Variants in MRAS observed in about 807,000 individuals in gnomAD.
MRAS encodes ras-related protein M-Ras.
Under a neutral mutation model 20.9 loss-of-function variants are expected in MRAS, and 4 were observed. The ratio of observed to expected loss-of-function variants is 0.19; its 90% confidence interval spans 0.09 to 0.44. The LOEUF (loss-of-function observed/expected upper bound fraction) is 0.44. Ranked by LOEUF, MRAS falls within the 20% of genes least tolerant of loss-of-function variation. The pLI is 0.99. For synonymous variants in MRAS, 98 were observed against 102.9 expected, an observed-to-expected ratio of 0.95 and a Z score of 0.29; for missense variants, 154 against 277.5, an observed-to-expected ratio of 0.56 and a Z score of 3.16.
chr3:138,365,079 T>C (rs904874049), intron 1 of MRAS, among the ~76,000 whole-genome samples: 14 of 152,260 alleles, frequency 9.2e-5, no homozygotes. Context: ...CGACACTGCC[T>C]CTTTCTAGTT....
At position 138,372,994 on chromosome 3, in the gene MRAS, C is replaced by T; in HGVS notation, c.111C>T (p.Ile37=). The change falls in exon 2 of 6, where the codon ATC becomes ATT. Residue 37 remains isoleucine, a synonymous_variant. Transcript: ENST00000423968. ...TCACCATCCAGTTTTTCCAGAAGAT[C>T]TTTGTGCCTGACTATGACCCCACCA... ...SALTIQFFQK[I]FVPDYDPTIE... 1.3e-6 allele frequency: 2 copies of T among 1,568,730 alleles called. No homozygotes were observed. Among genetic ancestry groups the T allele is most frequent in the Non-Finnish European group, 1.7e-6 (2 of 1,160,212 alleles).
At chr3:138,349,984 C>G (rs1329732301) in intron 1 of MRAS, 1 of 152,192 alleles carries the variant, frequency 6.6e-6, no homozygotes, top group Non-Finnish European at 1.5e-5. Flanking sequence ...TATCTGAAGT[C>G]CATGCTTTTG....
intron 1 of MRAS, among the ~76,000 whole-genome samples, chr3:138,353,052 A>G (rs2054261011): frequency 6.6e-6 from 1 of 152,126 alleles, no homozygotes; most frequent in African/African-American, 2.4e-5. Flanking sequence ...GAGCCCCCTG[A>G]GTGTATTAAG....
chr3:138,383,204 A>C (rs934243404), intron 2 of MRAS, among the ~76,000 whole-genome samples: 7 of 152,184 alleles, frequency 4.6e-5, no homozygotes, highest in African/African-American at 1.7e-4. Flanking sequence ...GGCATCTATT[A>C]GGTGTTTAAT....
At chr3:138,375,190 G>C (rs191642863) in intron 2 of MRAS, among the ~76,000 whole-genome samples, 1 of 152,216 alleles carries the variant, frequency 6.6e-6, no homozygotes, top group East Asian at 1.9e-4. Context: ...CCTGGTCCTT[G>C]ATTTTTTTAA....
At chr3:138,369,447 C>G (rs2054629596) in intron 1 of MRAS, among the ~76,000 whole-genome samples, 1 of 152,036 alleles carries the variant, frequency 6.6e-6, no homozygotes, top group Admixed American at 6.6e-5. Flanking sequence ...ATTGGGGGAC[C>G]ACAAACCTGG....
At chr3:138,354,812 ACT>A (rs35463438) in intron 1 of MRAS, among the ~76,000 whole-genome samples, 16,459 of 152,124 alleles carry the variant, frequency 0.11, 992 homozygotes, top group East Asian at 0.24. Context: ...GTGAAGTCTC[ACT>A]CTGTTGCTTA....
At chr3:138,355,092 A>T (rs562403126) in intron 1 of MRAS, among the ~76,000 whole-genome samples, 1 of 152,146 alleles carries the variant, frequency 6.6e-6, no homozygotes, top group Non-Finnish European at 1.5e-5. Context: ...GACACAAAAT[A>T]CATTATATAC....
chr3:138,369,612 C>T (rs1021334396), intron 1 of MRAS, among the ~76,000 whole-genome samples: 2 of 152,140 alleles, frequency 1.3e-5, no homozygotes, highest in Non-Finnish European at 2.9e-5. Flanking sequence ...ACAAGGGGCC[C>T]AGTCTGATGT....
chr3:138,358,180 T>TA (rs1386638183), intron 1 of MRAS, among the ~76,000 whole-genome samples: 2 of 151,920 alleles, frequency 1.3e-5, no homozygotes, highest in African/African-American at 2.4e-5. Context: ...ACTAAAAAAA[T>TA]ACAAAAATTA....
intron 1 of MRAS, among the ~76,000 whole-genome samples, chr3:138,364,962 C>A (rs1040483877): frequency 6.6e-6 from 1 of 152,236 alleles, no homozygotes; most frequent in African/African-American, 2.4e-5. Flanking sequence ...GCTGCCTCTG[C>A]CCTGGCCTGA....
chr3:138,347,705 GC>G (rs2054148636), upstream of MRAS: 1 of 152,070 alleles, frequency 6.6e-6, no homozygotes, highest in African/African-American at 2.4e-5. Context: ...TGATTCTCCT[GC>G]CTCAGCCTCC....
intron 2 of MRAS, among the ~76,000 whole-genome samples, chr3:138,393,227 C>A (rs1316228115): frequency 1.3e-5 from 2 of 152,104 alleles, no homozygotes; most frequent in African/African-American, 2.4e-5. Flanking sequence ...GTTAAACTTA[C>A]CTGTTCTTTT....
chr3:138,395,137 T>A (rs1411358398), intron 2 of MRAS, among the ~76,000 whole-genome samples: 1 of 152,020 alleles, frequency 6.6e-6, no homozygotes, highest in Non-Finnish European at 1.5e-5. Flanking sequence ...GCCTCCTGGG[T>A]TCAAGTGATT....
intron 2 of MRAS, among the ~76,000 whole-genome samples, chr3:138,389,969 C>G (rs547766284): frequency 6.6e-6 from 1 of 151,638 alleles, no homozygotes. Context: ...AGGTGGCTCA[C>G]GCCTGTAATC....
At chr3:138,392,185 G>A (rs2055146183) in intron 2 of MRAS, among the ~76,000 whole-genome samples, 1 of 152,154 alleles carries the variant, frequency 6.6e-6, no homozygotes, top group African/African-American at 2.4e-5. Context: ...GGAATGTAAA[G>A]TTTGTTCTGT....
At chr3:138,374,405 C>A (rs2054740450) in intron 2 of MRAS, among the ~76,000 whole-genome samples, 1 of 152,130 alleles carries the variant, frequency 6.6e-6, no homozygotes, top group Non-Finnish European at 1.5e-5. Context: ...TATATAAAAA[C>A]AATAGGTTTC....
At chr3:138,383,048 C>T (rs2054937668) in intron 2 of MRAS, among the ~76,000 whole-genome samples, 1 of 152,182 alleles carries the variant, frequency 6.6e-6, no homozygotes, top group African/African-American at 2.4e-5. Flanking sequence ...TGGACAAAGA[C>T]CTTGCACCCT....
intron 1 of MRAS, among the ~76,000 whole-genome samples, chr3:138,352,954 C>T (rs772466788): frequency 6.6e-6 from 1 of 152,016 alleles, no homozygotes; most frequent in South Asian, 2.1e-4. Flanking sequence ...CGTGAAAATA[C>T]GCTTGGGAGG....
Sources: allele counts gnomAD v4.1 joint callset (sites outside exome capture counted in the v4.1 genomes callset), GRCh38; gene constraint gnomAD v4.1.1; transcripts MANE v1.5; gene names NCBI Gene and HGNC (gene_info 2026-07-23, HGNC 2026-07-21).